Variants in GAS7 observed in about 807,000 individuals in gnomAD.
GAS7 encodes growth arrest specific 7, also known as growth arrest-specific protein 7.
GAS7 carries 28 observed loss-of-function variants against 71.1 expected under a neutral mutation model. That is an observed-to-expected ratio of 0.39 (90% CI 0.29 to 0.54). GAS7 has a LOEUF of 0.54. Among genes scored for constraint, GAS7 ranks in the 20% least tolerant of loss-of-function variants. The pLI is 0.62. For missense variants in GAS7, 436 were observed against 627.8 expected, an observed-to-expected ratio of 0.69 and a Z score of 3.27; for synonymous variants, 258 against 245.8, an observed-to-expected ratio of 1.05 and a Z score of -0.46.
At chr17:10,022,965 A>G (rs2072327927) in intron 1 of GAS7, among the ~76,000 whole-genome samples, 1 of 152,320 alleles carries the variant, frequency 6.6e-6, no homozygotes, top group African/African-American at 2.4e-5. Context: ...CAGTGGACCC[A>G]ACCTGTGAAC....
chr17:10,120,980 C>T (rs1171300420), intron 1 of GAS7, among the ~76,000 whole-genome samples: 1 of 152,260 alleles, frequency 6.6e-6, no homozygotes, highest in Admixed American at 6.5e-5. Context: ...AGATGAGTTT[C>T]GGATGGCAGG....
At chr17:9,922,909 T>G (rs2152071201) in intron 11 of GAS7, among the ~76,000 whole-genome samples, 1 of 152,304 alleles carries the variant, frequency 6.6e-6, no homozygotes, top group Non-Finnish European at 1.5e-5. Context: ...TTTTGTTTGT[T>G]TGTTTGTTTT....
intron 7 of GAS7, among the ~76,000 whole-genome samples, chr17:9,941,083 C>T (rs1169097180): frequency 2.6e-5 from 4 of 152,178 alleles, no homozygotes; most frequent in African/African-American, 2.4e-5. Flanking sequence ...CCAAAGGGTG[C>T]GATGATGGAG....
At chr17:10,099,604 A>G (rs1193649565) in intron 1 of GAS7, among the ~76,000 whole-genome samples, 1 of 152,158 alleles carries the variant, frequency 6.6e-6, no homozygotes, top group Non-Finnish European at 1.5e-5. Context: ...CATTCCACAC[A>G]ATAGGAAAGA....
At chr17:10,008,706 T>A (rs1202182705) in intron 2 of GAS7, among the ~76,000 whole-genome samples, 1 of 152,138 alleles carries the variant, frequency 6.6e-6, no homozygotes, top group East Asian at 1.9e-4. Flanking sequence ...AGCCTTCCAC[T>A]AAGAATCCAT....
intron 1 of GAS7, among the ~76,000 whole-genome samples, chr17:10,065,726 C>T (rs1171096515): frequency 6.6e-6 from 1 of 152,164 alleles, no homozygotes; most frequent in Non-Finnish European, 1.5e-5. Flanking sequence ...GGGATTAGGA[C>T]GTAGACAATC....
At chr17:9,961,418 G>A (rs1282247829) in intron 4 of GAS7, among the ~76,000 whole-genome samples, 1 of 152,190 alleles carries the variant, frequency 6.6e-6, no homozygotes, top group Admixed American at 6.5e-5. Context: ...TACATGGCAG[G>A]AAGGGGAAAG....
chr17:10,174,098 T>C (rs917401024), intron 1 of GAS7, among the ~76,000 whole-genome samples: 6 of 152,256 alleles, frequency 3.9e-5, no homozygotes, highest in Admixed American at 2.0e-4. Flanking sequence ...GTCATAGGCG[T>C]TTCAGGACAC....
intron 11 of GAS7, among the ~76,000 whole-genome samples, chr17:9,921,148 C>A (rs944441982): frequency 6.6e-6 from 1 of 150,966 alleles, no homozygotes; most frequent in Non-Finnish European, 1.5e-5. Context: ...CCGTAAAATG[C>A]ATTTTTTTCT....
intron 1 of GAS7, among the ~76,000 whole-genome samples, chr17:10,178,540 G>C (rs180785637): frequency 6.6e-6 from 1 of 151,780 alleles, no homozygotes; most frequent in Non-Finnish European, 1.5e-5. Flanking sequence ...AACCATACAC[G>C]GAGCCTGTCT....
At chr17:9,973,128 TTC>T (rs1184944468) in intron 3 of GAS7, among the ~76,000 whole-genome samples, 1 of 152,192 alleles carries the variant, frequency 6.6e-6, no homozygotes, top group Non-Finnish European at 1.5e-5. Flanking sequence ...CCATGGCTGG[TTC>T]TGTGTGTGTG....
At chr17:10,179,113 T>G (rs2074395370) in intron 1 of GAS7, among the ~76,000 whole-genome samples, 1 of 152,092 alleles carries the variant, frequency 6.6e-6, no homozygotes, top group Non-Finnish European at 1.5e-5. Flanking sequence ...GCGGATCACC[T>G]GAGGTCGGGA....
At chr17:10,069,968 C>A (rs1350123810) in intron 1 of GAS7, among the ~76,000 whole-genome samples, 3 of 152,206 alleles carry the variant, frequency 2.0e-5, no homozygotes, top group Non-Finnish European at 2.9e-5. Context: ...ACTTTCTCCT[C>A]AATGTAATCA....
At position 9,932,194 on chromosome 17, in the gene GAS7, CTTTTTTT is replaced by C. The variant is rs34286699; in HGVS notation, c.885+1965_885+1971del. On this transcript the variant is annotated intron_variant, in intron 9 of 13. Transcript: ENST00000432992. ...GGTGCACTCTGAAAGGTCCCCCCCG[CTTTTTTT>C]TTTTTTTTTTTTGAGACAGAGTCTC... Among the ~76,000 whole-genome samples the C allele has an allele frequency of 1.1e-4, 13 of 116,152 alleles. No individual in the cohort carries two copies. In the East Asian group the frequency reaches 2.4e-3, roughly 21 times the overall value. The allele number at this position is 116,152 out of a possible 152,430, so 76.2% of individuals were successfully genotyped here. A position where few individuals can be genotyped will look rare whatever the true frequency, so the allele number is the denominator to read the frequency against.
At chr17:9,955,731 G>A (rs1039815225) in intron 5 of GAS7, among the ~76,000 whole-genome samples, 3 of 152,190 alleles carry the variant, frequency 2.0e-5, no homozygotes, top group African/African-American at 7.2e-5. Flanking sequence ...TCAAGAGGGA[G>A]CCAGAGAGGG....
chr17:10,185,282 G>A (rs997272964), intron 1 of GAS7, among the ~76,000 whole-genome samples: 2 of 152,180 alleles, frequency 1.3e-5, no homozygotes, highest in African/African-American at 4.8e-5. Flanking sequence ...ACATGGAGGT[G>A]CTAGGAGAGT....
At chr17:10,126,239 T>A (rs2142081597) in intron 1 of GAS7, among the ~76,000 whole-genome samples, 1 of 152,322 alleles carries the variant, frequency 6.6e-6, no homozygotes, top group South Asian at 2.1e-4. Context: ...TCCTGGAACT[T>A]CCTGGAGTTC....
intron 1 of GAS7, among the ~76,000 whole-genome samples, chr17:10,056,044 C>A (rs1165529603): frequency 1.3e-5 from 2 of 152,294 alleles, no homozygotes; most frequent in East Asian, 3.9e-4. Context: ...TTCACGGGCA[C>A]TTAGATGATA....
At chr17:9,965,451 G>A (rs1185131754) in intron 4 of GAS7, among the ~76,000 whole-genome samples, 1 of 152,170 alleles carries the variant, frequency 6.6e-6, no homozygotes, top group Non-Finnish European at 1.5e-5. Context: ...TCATAAGTGG[G>A]AGATGAACAA....
Sources: allele counts gnomAD v4.1 joint callset (sites outside exome capture counted in the v4.1 genomes callset), GRCh38; gene constraint gnomAD v4.1.1; transcripts MANE v1.5; gene names NCBI Gene and HGNC (gene_info 2026-07-23, HGNC 2026-07-21).